Variants in TTC29 observed in about 807,000 individuals in gnomAD.
TTC29 encodes tetratricopeptide repeat protein 29.
A neutral mutation model predicts 58.1 loss-of-function variants in TTC29; 49 were observed. That is an observed-to-expected ratio of 0.84 (90% CI 0.67 to 1.07). TTC29 has a LOEUF of 1.07. Among genes scored for constraint, TTC29 ranks in the 50% least tolerant of loss-of-function variants. The pLI is 0.00. For synonymous variants in TTC29, 209 were observed against 196.8 expected (o/e 1.06, Z -0.52); for missense variants, 582 against 555.6 (o/e 1.05, Z -0.48).
intron 6 of TTC29, among the ~76,000 whole-genome samples, chr4:146,891,426 G>T (rs1732356103): frequency 6.6e-6 from 1 of 152,080 alleles, no homozygotes; most frequent in Non-Finnish European, 1.5e-5. Flanking sequence ...AATAATTAGT[G>T]ATGGTGTTTA....
rs182871858 is a variant in TTC29 at position 146,858,261 on chromosome 4, G to C, written c.885+9237C>G. 3.6e-3 allele frequency among the ~76,000 whole-genome samples: 549 copies of C among 152,284 alleles called. 1 individual carries two copies. Among genetic ancestry groups the C allele is most frequent in the South Asian group, 0.016 (76 of 4,822 alleles). On this transcript the variant is annotated intron_variant, in intron 8 of 12. Transcript: ENST00000325106. ...ACTAACCTAAGGTCACACAGCTAGT[G>C]CATGGCAGACAGGACTGAAATCCAT...
chr4:146,769,704 C>T (rs1370908203), intron 11 of TTC29, among the ~76,000 whole-genome samples: 1 of 152,020 alleles, frequency 6.6e-6, no homozygotes, highest in East Asian at 1.9e-4. Context: ...GGCCGAGAAT[C>T]AGTGTTGCAC....
intron 6 of TTC29, among the ~76,000 whole-genome samples, chr4:146,896,197 C>T (rs1561230750): frequency 6.6e-6 from 1 of 152,098 alleles, no homozygotes; most frequent in Non-Finnish European, 1.5e-5. Flanking sequence ...ATATGATATA[C>T]AGAAACTGTA....
intron 2 of TTC29, chr4:146,944,432 G>C (rs908612816): frequency 2.0e-5 from 3 of 152,234 alleles, no homozygotes; most frequent in African/African-American, 7.2e-5. Context: ...CCCATGGTGT[G>C]AGCTTAAATT....
At chr4:146,804,413 A>C (rs1174163311) in intron 10 of TTC29, among the ~76,000 whole-genome samples, 1 of 152,142 alleles carries the variant, frequency 6.6e-6, no homozygotes, top group Non-Finnish European at 1.5e-5. Flanking sequence ...AAGGAGGCTG[A>C]AGCCAGGGAG....
At chr4:146,862,204 A>C (rs1311485828) in intron 8 of TTC29, among the ~76,000 whole-genome samples, 1 of 151,604 alleles carries the variant, frequency 6.6e-6, no homozygotes, top group Non-Finnish European at 1.5e-5. Flanking sequence ...AACTGGTTAG[A>C]TCTCCAATCA....
chr4:146,896,554 C>T (rs1732781227), intron 6 of TTC29, among the ~76,000 whole-genome samples: 1 of 152,150 alleles, frequency 6.6e-6, no homozygotes, highest in Non-Finnish European at 1.5e-5. Flanking sequence ...GCATGAAAAG[C>T]TATTTTAATG....
At chr4:146,729,240 G>A (rs1375544494) in intron 11 of TTC29, among the ~76,000 whole-genome samples, 1 of 152,002 alleles carries the variant, frequency 6.6e-6, no homozygotes, top group African/African-American at 2.4e-5. Flanking sequence ...TGATCTGATA[G>A]CTGAAAAAGT....
At chr4:146,734,683 A>G (rs1744593449) in intron 11 of TTC29, among the ~76,000 whole-genome samples, 1 of 152,050 alleles carries the variant, frequency 6.6e-6, no homozygotes, top group Non-Finnish European at 1.5e-5. Context: ...GTATGGGGAA[A>G]AAAACCAATA....
At position 146,942,648 on chromosome 4, in the gene TTC29, G is replaced by A. The variant is rs530731123; in HGVS notation, c.-7+2383C>T. The A allele has an allele frequency of 9.6e-5, 147 of 1,529,992 alleles. 1 individual carries two copies. In the Middle Eastern group the frequency reaches 2.8e-3, roughly 30 times the overall value. The allele number at this position is 1,529,992 out of a possible 1,614,324, so 94.8% of individuals were successfully genotyped here. ...GTCTTCCAATGTTACAGTGAACATC[G>A]GAATCATCTAAGTTCTTAACCCACA... On this transcript the variant is annotated intron_variant, in intron 2 of 12. Coordinates refer to ENST00000325106, the MANE Select transcript of TTC29 (RefSeq NM_031956.4).
chr4:146,845,715 G>A (rs1396907054), intron 8 of TTC29, among the ~76,000 whole-genome samples: 1 of 152,092 alleles, frequency 6.6e-6, no homozygotes, highest in East Asian at 1.9e-4. Context: ...TAAGGAATGG[G>A]CCCAGCTCTC....
At chr4:146,909,322 A>C in intron 4 of TTC29, 73 bp from the exon 5 acceptor site, 1 of 1,184,790 alleles carries the variant, frequency 8.4e-7, no homozygotes, top group Non-Finnish European at 1.2e-6. Context: ...TCATTCTCTA[A>C]TAATTAAAGG....
At chr4:146,892,322 T>C (rs954834674) in intron 6 of TTC29, among the ~76,000 whole-genome samples, 4 of 152,030 alleles carry the variant, frequency 2.6e-5, no homozygotes, top group Non-Finnish European at 4.4e-5. Flanking sequence ...GAACTGTGAG[T>C]CAATTGAACC....
chr4:146,832,096 A>G (rs1416080320), intron 9 of TTC29, among the ~76,000 whole-genome samples: 1 of 152,168 alleles, frequency 6.6e-6, no homozygotes, highest in South Asian at 2.1e-4. Flanking sequence ...CAATGGAAAT[A>G]TCATTTTGTA....
intron 11 of TTC29, among the ~76,000 whole-genome samples, chr4:146,739,618 G>C (rs1391911702): frequency 1.3e-5 from 2 of 152,178 alleles, no homozygotes; most frequent in Non-Finnish European, 2.9e-5. Flanking sequence ...GCACTGTCTA[G>C]AAAAAGACAA....
chr4:146,895,041 A>G (rs1446939145), intron 6 of TTC29, among the ~76,000 whole-genome samples: 1 of 152,172 alleles, frequency 6.6e-6, no homozygotes, highest in African/African-American at 2.4e-5. Context: ...TGTTCTCATC[A>G]GTCAGCTCCC....
chr4:146,899,841 C>T (rs936181599), intron 6 of TTC29, among the ~76,000 whole-genome samples: 1 of 152,158 alleles, frequency 6.6e-6, no homozygotes, highest in African/African-American at 2.4e-5. Flanking sequence ...GACCACCTGC[C>T]CGTTGCCATC....
intron 8 of TTC29, among the ~76,000 whole-genome samples, chr4:146,852,639 C>G (rs1729585130): frequency 6.6e-6 from 1 of 152,232 alleles, no homozygotes; most frequent in South Asian, 2.1e-4. Context: ...GCTTCTCTAG[C>G]TCTTGCTCCC....
At chr4:146,751,500 A>G (rs536178882) in intron 11 of TTC29, among the ~76,000 whole-genome samples, 4 of 152,358 alleles carry the variant, frequency 2.6e-5, no homozygotes, top group African/African-American at 4.8e-5. Context: ...CTAAAGTCAC[A>G]TTAGACCACA....
Sources: gnomAD v4.1 joint callset for allele counts (sites outside exome capture counted in the v4.1 genomes callset) on GRCh38, gnomAD v4.1.1 for gene constraint, MANE v1.5 for transcripts, NCBI Gene and HGNC (gene_info 2026-07-23, HGNC 2026-07-21) for gene names.